DOK6: variants seen among roughly 807,000 people sequenced by gnomAD.
DOK6 encodes the protein docking protein 6, also known as downstream of tyrosine kinase 6.
In DOK6, 22 loss-of-function variants were observed where a neutral mutation model predicts 44.0. That is an observed-to-expected ratio of 0.50 (90% CI 0.36 to 0.71). The LOEUF (loss-of-function observed/expected upper bound fraction) is 0.71, where lower values mean the gene tolerates loss of function less well. DOK6 is among the 30% of genes least tolerant of loss of function. DOK6 has a pLI of 0.00. For missense variants in DOK6, 340 were observed against 416.4 expected (o/e 0.82, Z 1.60); for synonymous variants, 166 against 145.5 (o/e 1.14, Z -1.01).
chr18:69,782,086 T>C (rs995819424), intron 7 of DOK6, among the ~76,000 whole-genome samples: 2 of 121,880 alleles, frequency 1.6e-5, no homozygotes, highest in African/African-American at 2.5e-5. Flanking sequence ...GGAAAGATTA[T>C]AGGAAGATTA....
At chr18:69,710,799 A>G (rs529753227) in intron 5 of DOK6, among the ~76,000 whole-genome samples, 2 of 152,340 alleles carry the variant, frequency 1.3e-5, no homozygotes, top group South Asian at 4.1e-4. Context: ...TACAAATAAA[A>G]TTGGGTATTT....
At chr18:69,837,654 G>T (rs1252591039) in intron 7 of DOK6, among the ~76,000 whole-genome samples, 1 of 151,764 alleles carries the variant, frequency 6.6e-6, no homozygotes, top group Non-Finnish European at 1.5e-5. Context: ...GTCATACTAG[G>T]TGTCTCCTAT....
At position 69,491,248 on chromosome 18, in the gene DOK6, T is replaced by C. The variant is rs574774208; in HGVS notation, c.67-73239T>C. On this transcript the variant is annotated intron_variant, in intron 1 of 7. Transcript: ENST00000382713. ...CAATGTTATCAGTGCAGAACATCTATGGAGTTTGCTTAGATGATTAATAAA... is the reference window on the plus strand; with the variant it reads ...CAATGTTATCAGTGCAGAACATCTACGGAGTTTGCTTAGATGATTAATAAA... Among the ~76,000 whole-genome samples, 11 of 152,332 alleles carry C rather than the reference T, an allele frequency of 7.2e-5. No individual in the cohort carries two copies. The East Asian group carries it at 1.9e-3, about 27-fold the overall frequency.
At chr18:69,601,109 A>G (rs767612233) in intron 3 of DOK6, among the ~76,000 whole-genome samples, 1 of 152,186 alleles carries the variant, frequency 6.6e-6, no homozygotes, top group Admixed American at 6.5e-5. Context: ...TCAAATTTCT[A>G]TATTCTTGGA....
intron 1 of DOK6, among the ~76,000 whole-genome samples, chr18:69,479,101 T>A (rs1439458619): frequency 1.3e-5 from 2 of 151,838 alleles, no homozygotes; most frequent in Admixed American, 1.3e-4. Context: ...AGCATGTAAC[T>A]AAGAGATAAA....
At chr18:69,416,193 C>CGAAG in intron 1 of DOK6, among the ~76,000 whole-genome samples, 1 of 10,520 alleles carries the variant, frequency 9.5e-5, no homozygotes, top group East Asian at 2.5e-3. Context: ...AAGGAAGGAA[C>CGAAG]GAAGGAAGGA....
In DOK6 at chr18:69,843,447, C is replaced by T. The variant is rs1370541857; in HGVS notation, c.*2064C>T. On this transcript the variant is annotated 3_prime_UTR_variant, in exon 8 of 8. Coordinates refer to ENST00000382713, the MANE Select transcript of DOK6 (RefSeq NM_152721.6). ...GGGGCCACATTCAGAGCAAGCCTCT[C>T]GCCGGCTCACTCAGTTGAGCTGTTG... 1.3e-5 allele frequency: 2 copies of T among 152,274 alleles called. No individual in the cohort carries two copies. Among genetic ancestry groups the T allele is most frequent in the Non-Finnish European group, 2.9e-5 (2 of 68,070 alleles). 9.4% of individuals were successfully genotyped at this position (152,274 alleles called of 1,614,324 possible). A position where few individuals can be genotyped will look rare whatever the true frequency, so the allele number is the denominator to read the frequency against.
At chr18:69,684,384 T>C (rs79366439) in intron 4 of DOK6, among the ~76,000 whole-genome samples, 2 of 152,334 alleles carry the variant, frequency 1.3e-5, no homozygotes, top group Non-Finnish European at 2.9e-5. Flanking sequence ...ATAAAGGAGA[T>C]GTATATGTGA....
chr18:69,775,855 A>T (rs1050193186), intron 7 of DOK6, among the ~76,000 whole-genome samples: 2 of 151,948 alleles, frequency 1.3e-5, no homozygotes, highest in African/African-American at 4.8e-5. Flanking sequence ...GGCAAAACAC[A>T]AAGTTTTGGG....
chr18:69,716,572 C>T (rs184611812), intron 5 of DOK6, among the ~76,000 whole-genome samples: 2 of 151,674 alleles, frequency 1.3e-5, no homozygotes, highest in Admixed American at 1.3e-4. Flanking sequence ...TTTTCCTGTG[C>T]TAATCTGCCT....
intron 3 of DOK6, among the ~76,000 whole-genome samples, chr18:69,603,626 C>A (rs1171568511): frequency 1.3e-5 from 2 of 152,074 alleles, no homozygotes; most frequent in Non-Finnish European, 1.5e-5. Flanking sequence ...AAAAAATTAG[C>A]CGGGTGTGGT....
At chr18:69,729,063 A>G (rs559605208) in intron 5 of DOK6, among the ~76,000 whole-genome samples, 1 of 152,216 alleles carries the variant, frequency 6.6e-6, no homozygotes, top group Non-Finnish European at 1.5e-5. Flanking sequence ...AGCTCTGTTA[A>G]TTAGGAAGCC....
At chr18:69,645,947 G>C (rs1028885348) in intron 3 of DOK6, among the ~76,000 whole-genome samples, 2 of 152,040 alleles carry the variant, frequency 1.3e-5, no homozygotes, top group African/African-American at 4.8e-5. Flanking sequence ...TTTGTATTTT[G>C]TGATCGAGGA....
At chr18:69,769,664 C>T (rs1979830699) in intron 7 of DOK6, among the ~76,000 whole-genome samples, 1 of 152,104 alleles carries the variant, frequency 6.6e-6, no homozygotes, top group South Asian at 2.1e-4. Flanking sequence ...GATATCTCTA[C>T]ATTAATGTCC....
intron 5 of DOK6, among the ~76,000 whole-genome samples, chr18:69,729,601 A>G (rs1469443451): frequency 6.6e-6 from 1 of 152,196 alleles, no homozygotes; most frequent in Non-Finnish European, 1.5e-5. Flanking sequence ...GGCACCAGTA[A>G]GAAATGAGGA....
intron 1 of DOK6, among the ~76,000 whole-genome samples, chr18:69,528,172 A>G (rs867643855): frequency 2.0e-5 from 3 of 152,038 alleles, no homozygotes; most frequent in Middle Eastern, 3.4e-3. Flanking sequence ...CAAAAAAAAA[A>G]AAAAAAAAGC....
intron 1 of DOK6, among the ~76,000 whole-genome samples, chr18:69,477,492 A>AT (rs558394325): frequency 7.2e-4 from 110 of 152,286 alleles, no homozygotes; most frequent in Non-Finnish European, 1.3e-3. Flanking sequence ...TGTACCATTC[A>AT]TTTTTTTCAA....
At chr18:69,489,534 G>A (rs1304854399) in intron 1 of DOK6, among the ~76,000 whole-genome samples, 1 of 151,772 alleles carries the variant, frequency 6.6e-6, no homozygotes, top group Non-Finnish European at 1.5e-5. Flanking sequence ...GAGGGGAAGG[G>A]GTCCAAAATA....
chr18:69,652,519 T>C (rs917528210), intron 3 of DOK6, among the ~76,000 whole-genome samples: 1 of 152,144 alleles, frequency 6.6e-6, no homozygotes, highest in Non-Finnish European at 1.5e-5. Context: ...ATGAGTTTAT[T>C]AGGATTCACA....
Sources: gnomAD v4.1 joint callset for allele counts (sites outside exome capture counted in the v4.1 genomes callset) on GRCh38, gnomAD v4.1.1 for gene constraint, MANE v1.5 for transcripts, NCBI Gene and HGNC (gene_info 2026-07-23, HGNC 2026-07-21) for gene names.